The following GTPBP3 variants were observed in gnomAD, a reference collection of about 807,000 sequenced individuals.
The protein encoded by GTPBP3 is GTP binding protein 3, mitochondrial.
In GTPBP3, 35 loss-of-function variants were observed where a neutral mutation model predicts 42.0. The ratio of observed to expected loss-of-function variants is 0.83; its 90% CI spans 0.64 to 1.10. GTPBP3 has a LOEUF of 1.10. GTPBP3 is among the 50% of genes least tolerant of loss of function. The pLI is 0.00. For missense variants in GTPBP3, 691 were observed against 685.2 expected, an observed-to-expected ratio of 1.01 and a Z score of -0.09; for synonymous variants, 332 against 314.9, an observed-to-expected ratio of 1.05 and a Z score of -0.58.
chr19:17,337,820 C>A, intron 1 of GTPBP3, 156 bp downstream of exon 1: 1 of 1,194,498 alleles, frequency 8.4e-7, no homozygotes, highest in Non-Finnish European at 1.1e-6. Context: ...GAGCCCATAT[C>A]TGGGTCTCCT....
upstream of GTPBP3, among the ~76,000 whole-genome samples, chr19:17,335,434 C>T (rs1341153797): frequency 2.0e-5 from 3 of 152,090 alleles, no homozygotes; most frequent in African/African-American, 7.2e-5. Flanking sequence ...GCGGGGCGCA[C>T]CTGTAATCCC....
Position 17,338,973 on chromosome 19 carries a change from C to T in GTPBP3, c.611C>T (p.Ala204Val). 1.9e-6 allele frequency: 3 copies of T among 1,609,908 alleles called. 1 individual carries two copies. Among genetic ancestry groups the T allele is most frequent in the Non-Finnish European group, 2.5e-6 (3 of 1,177,584 alleles). ...CGCCAGGCTCTGGCCCACGTGGAGG[C>T]CTATATCGATTTCGGCGAGGATGAC... ...TLTKALAHVE[A>V]YIDFGEDDNL... is the part of the protein sequence containing the mutation. The change falls in exon 5 of 9, where the codon GCC becomes GTC. Residue 204 changes from alanine (A) to valine (V), a missense_variant. Coordinates refer to ENST00000324894, the MANE Select transcript of GTPBP3 (RefSeq NM_032620.4).
chr19:17,339,588 C>A lies in GTPBP3; in HGVS notation c.963C>A (p.Arg321=). 1 of 1,606,206 alleles carries A rather than the reference C, an allele frequency of 6.2e-7. No individual in the cohort carries two copies. ...VGPVEQEGVR[R]ARERLEQADL... is the part of the protein sequence containing the mutation. ...CCGTGGAGCAGGAGGGCGTGCGGCG[C>A]GCCCGGGAGAGGTGGGCGGACAGGG... The change falls in exon 7 of 9, where the codon CGC becomes CGA. Residue 321 remains arginine (R), a synonymous_variant. Transcript: ENST00000324894.
Position 17,339,236 on chromosome 19 carries a change from GC to G in GTPBP3, c.779del (p.Ala260GlyfsTer6), listed in dbSNP as rs753749740. 6.2e-7 allele frequency: 1 copy of G among 1,610,330 alleles called. No individual in the cohort carries two copies. Among genetic ancestry groups the G allele is most frequent in the Non-Finnish European group, 8.5e-7 (1 of 1,179,198 alleles). On this transcript the variant is annotated frameshift_variant, in exon 6 of 9. Coordinates refer to ENST00000324894, the MANE Select transcript of GTPBP3 (RefSeq NM_032620.4). LOFTEE classifies it high-confidence loss of function. ...VHVVVTGPPN[A>X]GKSSLVNLLS... ...CGTAGTGGTCACTGGACCCCCCAAT[GC>G]GGGCAAGAGCAGCCTAGTGAACCTG...
rs746428014 is a variant in GTPBP3, at chr19:17,338,416, GC to G, written c.356del (p.Pro119ArgfsTer4). On this transcript the variant is annotated frameshift_variant, in exon 3 of 9. Transcript: ENST00000324894. LOFTEE classifies it high-confidence loss of function. Reference sequence around the variant, plus strand: ...TGCGTGGAGTTCCACGTGCATGGAGGCCCGGCAGTGGTGAGCGGCGTCCTGC... The same window carrying G: ...TGCGTGGAGTTCCACGTGCATGGAGGCCGGCAGTGGTGAGCGGCGTCCTGC... The part of the protein sequence containing the change: ...EDCVEFHVHG[G>X]PAVVSGVLQA... 6.2e-7 allele frequency: 1 copy of G among 1,614,030 alleles called. No individual in the cohort carries two copies. The highest frequency in any genetic ancestry group is 1.3e-5 in the African/African-American group (1 of 74,944).
intron 2 of GTPBP3, 54 bp downstream of exon 2, chr19:17,338,309 C>A (rs961337925): frequency 3.7e-6 from 6 of 1,607,600 alleles, no homozygotes; most frequent in South Asian, 1.1e-5. Context: ...CAGTTTCCCC[C>A]TTCCAAGGGT....
At chr19:17,340,867 CTGTG>C in intron 7 of GTPBP3, 173 bp from the exon 8 acceptor site, 1 of 625,824 alleles carries the variant, frequency 1.6e-6, no homozygotes, top group South Asian at 2.0e-5. Flanking sequence ...GCCCCACCCC[CTGTG>C]CTCGGCTTGG....
Position 17,338,253 on chromosome 19 carries a change from C to A in GTPBP3, c.299C>A (p.Pro100Gln). 6.3e-7 allele frequency: 1 copy of A among 1,591,756 alleles called. No individual in the cohort carries two copies. Among genetic ancestry groups the A allele is most frequent in the Non-Finnish European group, 8.5e-7 (1 of 1,172,686 alleles). Residue 100 changes from proline (P) to glutamine (Q), a missense_variant and splice_region_variant, in exon 2 of 9, where the codon CCA becomes CAA. Physicochemically the swap from Pro to Gln is moderately conservative, Grantham distance 76. Coordinates refer to ENST00000324894, the MANE Select transcript of GTPBP3 (RefSeq NM_032620.4). ...GACCGCGCACTGGTGCTCTGGTTCC[C>A]AGGTGAGGGTCCCCAGGTTCCGAGC... ...PLDRALVLWF[P>Q]GPQSFTGEDC...
intron 7 of GTPBP3, 190 bp from the exon 8 acceptor site, chr19:17,340,854 T>A: frequency 3.1e-5 from 10 of 326,402 alleles, no homozygotes; most frequent in East Asian, 1.5e-4. Context: ...CCCCTCTTGC[T>A]CTGCCCCACC....
upstream of GTPBP3, chr19:17,337,324 A>T: frequency 2.7e-6 from 1 of 368,934 alleles, no homozygotes; most frequent in East Asian, 4.3e-5. Context: ...CCTTATTCCT[A>T]TTGTCAGCCT....
intron 6 of GTPBP3, 31 bp from the exon 7 acceptor site, chr19:17,339,403 A>G: frequency 6.2e-7 from 1 of 1,609,222 alleles, no homozygotes; most frequent in Non-Finnish European, 8.5e-7. Flanking sequence ...CCTTGTCTCC[A>G]CCCTCTCCTC....
chr19:17,339,227 C>A lies in GTPBP3; in HGVS notation c.769C>A (p.Pro257Thr), dbSNP rs2145702381. 6.2e-7 allele frequency: 1 copy of A among 1,607,566 alleles called. No individual in the cohort carries two copies. The change falls in exon 6 of 9, where the codon CCC becomes ACC. Residue 257 changes from proline (P) to threonine (T), a missense_variant. Transcript: ENST00000324894. ...AGGGGTGCACGTAGTGGTCACTGGA[C>A]CCCCCAATGCGGGCAAGAGCAGCCT... ...RSGVHVVVTG[P>T]PNAGKSSLVN... is the part of the protein sequence containing the mutation.
Position 17,337,778 on chromosome 19 carries a change from C to A in GTPBP3, c.53+114C>A, listed in dbSNP as rs1014146145. 12 of 1,319,804 alleles carry A rather than the reference C, an allele frequency of 9.1e-6. No individual in the cohort carries two copies. In the Admixed American group the frequency reaches 1.2e-4, roughly 14 times the overall value. The allele number at this position is 1,319,804 out of a possible 1,614,324, so 81.8% of individuals were successfully genotyped here. On this transcript the variant is annotated intron_variant, in intron 1 of 8. Transcript: ENST00000324894. ...CGGCAGAGCAATCATTCGCGTTCTT[C>A]CGTGCCTCAATCGTTCATGACCCTT...
Position 17,341,650 on chromosome 19 carries a change from G to T in GTPBP3, c.1426G>T (p.Gly476Cys). ...CCTGACCCGGCTCACAGGTGGAGGG[G>T]GTACCGAGGAGATCCTGGACATCAT... ...GHLTRLTGGG[G>C]TEEILDIIFQ... The change falls in exon 9 of 9, where the codon GGT becomes TGT. Residue 476 changes from glycine (G) to cysteine (C), a missense_variant. Physicochemically the swap from Gly to Cys is radical, Grantham distance 159. Transcript: ENST00000324894. The T allele has an allele frequency of 1.2e-6, 2 of 1,608,120 alleles. No individual in the cohort carries two copies. Among genetic ancestry groups the T allele is most frequent in the African/African-American group, 2.7e-5 (2 of 74,924 alleles).
In GTPBP3 at chr19:17,338,452, G is replaced by T; in HGVS notation, c.388+1G>T. Reference sequence around the variant, plus strand: ...GTGAGCGGCGTCCTGCAGGCCTTGGGTGAGTTGCAGCGTTGGGTGAGATGC... The same window carrying T: ...GTGAGCGGCGTCCTGCAGGCCTTGGTTGAGTTGCAGCGTTGGGTGAGATGC... On this transcript the variant is annotated splice_donor_variant, in intron 3 of 8. Transcript: ENST00000324894. LOFTEE classifies it high-confidence loss of function. 6.2e-7 allele frequency: 1 copy of T among 1,614,056 alleles called. No individual in the cohort carries two copies. The highest frequency in any genetic ancestry group is 8.5e-7 in the Non-Finnish European group (1 of 1,179,976).
chr19:17,340,934 A>G (rs2074423914), intron 7 of GTPBP3, 110 bp from the exon 8 acceptor site: 2 of 1,255,414 alleles, frequency 1.6e-6, no homozygotes, highest in Non-Finnish European at 2.2e-6. Context: ...TCCCGACCTC[A>G]CGCTTCGCAG....
upstream of GTPBP3, among the ~76,000 whole-genome samples, chr19:17,336,503 A>AAAAAT (rs753746761): frequency 8.7e-4 from 133 of 152,072 alleles, no homozygotes; most frequent in Middle Eastern, 3.4e-3. Context: ...ACCCTGTCTC[A>AAAAAT]AAAATAAAAT....
Position 17,338,405 on chromosome 19 carries a change from CG to C in GTPBP3, c.343del (p.Val115CysfsTer8), listed in dbSNP as rs2074389851. 6.2e-7 allele frequency: 1 copy of C among 1,614,168 alleles called. No individual in the cohort carries two copies. Among genetic ancestry groups the C allele is most frequent in the African/African-American group, 1.3e-5 (1 of 75,060 alleles). ...CCGGTGAGGACTGCGTGGAGTTCCA[CG>C]TGCATGGAGGCCCGGCAGTGGTGAG... ...FTGEDCVEFH[V>X]HGGPAVVSGV... is the part of the protein sequence containing the mutation. On this transcript the variant is annotated frameshift_variant, in exon 3 of 9. Transcript: ENST00000324894. LOFTEE classifies it high-confidence loss of function.
intron 1 of GTPBP3, 158 bp downstream of exon 1, chr19:17,337,822 G>C (rs2074381288): frequency 1.7e-6 from 2 of 1,194,048 alleles, no homozygotes; most frequent in Non-Finnish European, 2.3e-6. Flanking sequence ...GCCCATATCT[G>C]GGTCTCCTTC....
Sources: allele counts gnomAD v4.1 joint callset (sites outside exome capture counted in the v4.1 genomes callset), GRCh38; gene constraint gnomAD v4.1.1; transcripts MANE v1.5; gene names NCBI Gene and HGNC (gene_info 2026-07-23, HGNC 2026-07-21).